The following TAFA2 variants were observed in gnomAD, a reference collection of about 807,000 sequenced individuals.
The protein encoded by TAFA2 is TAFA chemokine like family member 2.
Under a neutral mutation model 18.8 loss-of-function variants are expected in TAFA2, and 7 were observed. The observed-to-expected ratio is 0.37, with a 90% confidence interval of 0.21 to 0.70. TAFA2 has a LOEUF of 0.70. Ranked by LOEUF, TAFA2 falls within the 30% of genes least tolerant of loss-of-function variation. The pLI is 0.53. For missense variants in TAFA2, 122 were observed against 158.1 expected, an observed-to-expected ratio of 0.77 and a Z score of 1.23; for synonymous variants, 60 against 54.2, an observed-to-expected ratio of 1.11 and a Z score of -0.47.
At chr12:62,064,033 A>G (rs1314342870) in intron 1 of TAFA2, among the ~76,000 whole-genome samples, 1 of 152,152 alleles carries the variant, frequency 6.6e-6, no homozygotes, top group Admixed American at 6.6e-5. Context: ...ATATATTAAT[A>G]CATTGCTTAC....
intron 1 of TAFA2, among the ~76,000 whole-genome samples, chr12:61,882,421 T>C (rs1044548765): frequency 5.3e-5 from 8 of 152,024 alleles, no homozygotes; most frequent in African/African-American, 1.9e-4. Flanking sequence ...GGGGGGAAAA[T>C]AGAGTACAAA....
intron 1 of TAFA2, among the ~76,000 whole-genome samples, chr12:62,214,270 G>A (rs1023042120): frequency 6.6e-6 from 1 of 152,080 alleles, no homozygotes; most frequent in Admixed American, 6.6e-5. Flanking sequence ...GAATTACGGG[G>A]GCAGTTCTTT....
At chr12:61,989,783 G>A (rs1340422190) in intron 1 of TAFA2, among the ~76,000 whole-genome samples, 4 of 152,198 alleles carry the variant, frequency 2.6e-5, no homozygotes, top group Non-Finnish European at 4.4e-5. Context: ...AATAAATAGA[G>A]AGAGGGATAT....
At chr12:61,922,563 C>A (rs993133621) in intron 1 of TAFA2, among the ~76,000 whole-genome samples, 2 of 152,178 alleles carry the variant, frequency 1.3e-5, no homozygotes, top group Non-Finnish European at 2.9e-5. Flanking sequence ...CGGTGCTATC[C>A]GGACCAGAAA....
chr12:61,879,436 C>T (rs559753971), intron 1 of TAFA2: 15 of 698,510 alleles, frequency 2.1e-5, no homozygotes, highest in Middle Eastern at 3.5e-4. Flanking sequence ...AAGCTTCTCC[C>T]GAGTGGGCAG....
At chr12:61,959,948 A>G (rs1218047522) in intron 1 of TAFA2, among the ~76,000 whole-genome samples, 1 of 151,900 alleles carries the variant, frequency 6.6e-6, no homozygotes, top group African/African-American at 2.4e-5. Flanking sequence ...ATCGTAGCAT[A>G]CTACAGTCTT....
intron 1 of TAFA2, among the ~76,000 whole-genome samples, chr12:62,146,227 G>T (rs1332351596): frequency 2.0e-5 from 3 of 150,890 alleles, no homozygotes; most frequent in African/African-American, 7.3e-5. Context: ...CCATCCATAT[G>T]CCATACCACT....
At chr12:61,864,990 C>T (rs1874292109) in intron 2 of TAFA2, among the ~76,000 whole-genome samples, 1 of 152,066 alleles carries the variant, frequency 6.6e-6, no homozygotes, top group African/African-American at 2.4e-5. Flanking sequence ...TAAGCCTTAA[C>T]CCTGATGAAA....
chr12:62,142,295 G>A (rs889577442), intron 1 of TAFA2, among the ~76,000 whole-genome samples: 10 of 152,124 alleles, frequency 6.6e-5, no homozygotes, highest in Non-Finnish European at 1.0e-4. Flanking sequence ...ATTAACATTT[G>A]TTGAATAAAC....
chr12:61,968,809 ACT>A lies in TAFA2; in HGVS notation c.-1-101385_-1-101384del, dbSNP rs567314856. On this transcript the variant is annotated intron_variant, in intron 1 of 4. Transcript: ENST00000416284. ...GTAGAAACTTGCCCCAGAGTTCATG[ACT>A]CTATGAACTCTTACTTTGCCATAGA... Among the ~76,000 whole-genome samples the A allele has an allele frequency of 1.7e-3, 258 of 151,660 alleles. 2 individuals carry two copies. Among genetic ancestry groups the A allele is most frequent in the Non-Finnish European group, 2.1e-3 (142 of 67,754 alleles).
At chr12:61,916,412 T>C (rs920550766) in intron 1 of TAFA2, among the ~76,000 whole-genome samples, 1 of 152,202 alleles carries the variant, frequency 6.6e-6, no homozygotes, top group East Asian at 1.9e-4. Flanking sequence ...TGACAGAGCA[T>C]GTATAGTACT....
chr12:61,759,108 T>C (rs1869415244), intron 2 of TAFA2, among the ~76,000 whole-genome samples: 1 of 152,048 alleles, frequency 6.6e-6, no homozygotes, highest in Non-Finnish European at 1.5e-5. Flanking sequence ...GAGATTTTAT[T>C]ATATGTTGAA....
At chr12:62,102,635 T>C (rs902741804) in intron 1 of TAFA2, among the ~76,000 whole-genome samples, 6 of 152,270 alleles carry the variant, frequency 3.9e-5, no homozygotes, top group African/African-American at 1.4e-4. Context: ...GTCAGAAGTG[T>C]TCTAAACTAC....
chr12:62,174,166 C>A (rs182494920), intron 1 of TAFA2, among the ~76,000 whole-genome samples: 1 of 152,034 alleles, frequency 6.6e-6, no homozygotes, highest in Admixed American at 6.6e-5. Context: ...GTGGCGCACG[C>A]CTGTAGTCCC....
chr12:62,134,073 A>T (rs767402585), intron 1 of TAFA2, among the ~76,000 whole-genome samples: 3 of 151,674 alleles, frequency 2.0e-5, no homozygotes, highest in African/African-American at 7.3e-5. Context: ...AGAATATTTC[A>T]TCTGCTTAGG....
chr12:62,232,884 G>A (rs1282720534), intron 1 of TAFA2, among the ~76,000 whole-genome samples: 4 of 151,872 alleles, frequency 2.6e-5, no homozygotes, highest in Middle Eastern at 3.2e-3. Flanking sequence ...GCCTAGCACA[G>A]GGCCATCTCT....
At chr12:62,196,446 T>C (rs571986671), upstream of TAFA2, among the ~76,000 whole-genome samples, 1 of 152,342 alleles carries the variant, frequency 6.6e-6, no homozygotes, top group African/African-American at 2.4e-5. Context: ...AAGCTTTTGA[T>C]TTAAAGTGAG....
intron 1 of TAFA2, among the ~76,000 whole-genome samples, chr12:62,054,984 A>T (rs1038911080): frequency 6.6e-6 from 1 of 152,242 alleles, no homozygotes; most frequent in African/African-American, 2.4e-5. Context: ...CAATGTTTGT[A>T]TCCCTCCAAA....
At chr12:61,814,516 GA>G (rs1871999954) in intron 2 of TAFA2, among the ~76,000 whole-genome samples, 1 of 151,276 alleles carries the variant, frequency 6.6e-6, no homozygotes, top group Non-Finnish European at 1.5e-5. Context: ...GCTGCTTGAG[GA>G]AGAACAGTTT....
Sources: allele counts gnomAD v4.1 joint callset (sites outside exome capture counted in the v4.1 genomes callset), GRCh38; gene constraint gnomAD v4.1.1; transcripts MANE v1.5; gene names NCBI Gene and HGNC (gene_info 2026-07-23, HGNC 2026-07-21).